Variants in MINK1 observed in about 807,000 individuals in gnomAD.
The protein encoded by MINK1 is misshapen-like kinase 1.
Under a neutral mutation model 178.4 loss-of-function variants are expected in MINK1, and 46 were observed. The observed-to-expected ratio is 0.26, with a 90% CI of 0.20 to 0.33. The LOEUF (loss-of-function observed/expected upper bound fraction) is 0.33, where lower values mean the gene tolerates loss of function less well. Among genes scored for constraint, MINK1 ranks in the 10% least tolerant of loss-of-function variants. The pLI is 1.00. For missense variants in MINK1, 1,366 were observed against 1,814.9 expected, an observed-to-expected ratio of 0.75 and a Z score of 4.49; for synonymous variants, 797 against 709.7, an observed-to-expected ratio of 1.12 and a Z score of -1.96.
intron 1 of MINK1, among the ~76,000 whole-genome samples, chr17:4,877,529 A>T (rs560288418): frequency 6.6e-6 from 1 of 152,304 alleles, no homozygotes; most frequent in East Asian, 1.9e-4. Context: ...TGGCCCTGAA[A>T]TTCCTGCTCC....
chr17:4,879,409 C>G (rs1342613943), intron 2 of MINK1, among the ~76,000 whole-genome samples: 5 of 152,244 alleles, frequency 3.3e-5, no homozygotes, highest in African/African-American at 1.2e-4. Context: ...TCCTGTGTCG[C>G]TGAGACCACC....
At chr17:4,878,430 C>T in intron 2 of MINK1, 48 bp downstream of exon 2, 1 of 1,495,582 alleles carries the variant, frequency 6.7e-7, no homozygotes. Context: ...GCAGGGCAGT[C>T]TTGGGAGGAG....
At position 4,892,659 on chromosome 17, in the gene MINK1, C is replaced by T. The variant is rs766154643; in HGVS notation, c.2202C>T (p.Asn734=). The part of the protein sequence containing the change: ...QPPGPPNASS[N]PDLRRSDPGW... ...CCTGACTCTGCCCCCCCAACAGTAACCCCGACCTCAGGAGGAGCGACCCTG... is the reference window on the plus strand; with the variant it reads ...CCTGACTCTGCCCCCCCAACAGTAATCCCGACCTCAGGAGGAGCGACCCTG... Residue 734 remains asparagine (N), a synonymous_variant, in exon 19 of 32, where the codon AAC becomes AAT. Transcript: ENST00000355280. The T allele has an allele frequency of 1.2e-6, 2 of 1,604,340 alleles. No homozygotes were observed. Among genetic ancestry groups the T allele is most frequent in the Non-Finnish European group, 1.7e-6 (2 of 1,175,082 alleles).
rs1170777148 is a variant in MINK1, at chr17:4,891,009, C to G, written c.1625C>G (p.Pro542Arg). ...QQNSPLAKSK[P>R]GSTGPEPPIP... ...AACTCTCCCTTGGCCAAGAGCAAGC[C>G]AGGCAGCACGGGGCCTGAGCCCCCC... The change falls in exon 15 of 32, where the codon CCA (proline) becomes CGA (arginine). Residue 542 changes from proline to arginine, a missense_variant. Pro to Arg is a moderately radical substitution (Grantham distance 103). Around this residue, in one of 14 missense-constraint regions of MINK1, gnomAD observed 709 missense variants for 692.3 expected, o/e 1.02. Transcript: ENST00000355280. 1.3e-6 allele frequency: 2 copies of G among 1,560,276 alleles called. No individual in the cohort carries two copies. Among genetic ancestry groups the G allele is most frequent in the South Asian group, 2.4e-5 (2 of 84,462 alleles).
intron 1 of MINK1, among the ~76,000 whole-genome samples, chr17:4,838,708 G>A (rs986894334): frequency 3.9e-5 from 6 of 152,150 alleles, no homozygotes; most frequent in South Asian, 2.1e-4. Context: ...TCCAGAAGCC[G>A]GTGAGAGTCT....
intron 1 of MINK1, among the ~76,000 whole-genome samples, chr17:4,848,694 G>T (rs1911446242): frequency 1.3e-5 from 2 of 151,322 alleles, no homozygotes; most frequent in Non-Finnish European, 2.9e-5. Context: ...ATGGGGTTTT[G>T]CCATGTTGGC....
chr17:4,847,472 C>T (rs1911223739), intron 1 of MINK1, among the ~76,000 whole-genome samples: 1 of 152,100 alleles, frequency 6.6e-6, no homozygotes, highest in Non-Finnish European at 1.5e-5. Context: ...GAGTGTTTCC[C>T]GAGGACTGTA....
rs1457961977 is a variant in MINK1 at position 4,894,705 on chromosome 17, T to G, written c.2917+72T>G. 1.7e-6 allele frequency: 2 copies of G among 1,186,902 alleles called. No individual in the cohort carries two copies. Among genetic ancestry groups the G allele is most frequent in the South Asian group, 2.6e-5 (2 of 76,462 alleles). 73.5% of individuals were successfully genotyped at this position (1,186,902 alleles called of 1,614,324 possible). ...AGCCTGGAGGGGAGCACAGTGGTCTTGAGACGCAGCCTCACAAAGCATAGC... is the reference window on the plus strand; with the variant it reads ...AGCCTGGAGGGGAGCACAGTGGTCTGGAGACGCAGCCTCACAAAGCATAGC... On this transcript the variant is annotated intron_variant, in intron 24 of 31. Transcript: ENST00000355280. The surrounding 1 kb of genome is among the most constrained non-coding windows in gnomAD (Gnocchi z 4.1).
At chr17:4,844,697 G>GTGA (rs1419237633) in intron 1 of MINK1, 1 of 357,074 alleles carries the variant, frequency 2.8e-6, no homozygotes, top group Non-Finnish European at 5.4e-6. Flanking sequence ...GTAGATCACT[G>GTGA]TGATGATGAA....
chr17:4,868,167 G>A lies in MINK1; in HGVS notation c.58-10150G>A, dbSNP rs564496863. ...AATTTTTGTATTTTTAGTAGAGATGGGGTTTCACCCAGTTGGCCAGGCTGG... is the reference window on the plus strand; with the variant it reads ...AATTTTTGTATTTTTAGTAGAGATGAGGTTTCACCCAGTTGGCCAGGCTGG... On this transcript the variant is annotated intron_variant, in intron 1 of 31. Transcript: ENST00000355280. Among the ~76,000 whole-genome samples, 5 of 152,046 alleles carry A rather than the reference G, an allele frequency of 3.3e-5. No homozygotes were observed. The South Asian group carries it at 6.2e-4, about 19-fold the overall frequency.
In MINK1 at chr17:4,886,045, T is replaced by A. The variant is rs555277904; in HGVS notation, c.695-75T>A. 6.2e-7 allele frequency: 1 copy of A among 1,607,506 alleles called. No homozygotes were observed. The highest frequency in any genetic ancestry group is 1.3e-5 in the African/African-American group (1 of 74,734). On this transcript the variant is annotated intron_variant, in intron 8 of 31. Transcript: ENST00000355280. The surrounding 1 kb of genome is among the most constrained non-coding windows in gnomAD (Gnocchi z 6.1). ...GTGGCTGTAGGGAGGAGGTGGGTCCTGGGACCCTGCCGAGGAAGGGTCCTG... is the reference window on the plus strand; with the variant it reads ...GTGGCTGTAGGGAGGAGGTGGGTCCAGGGACCCTGCCGAGGAAGGGTCCTG...
At position 4,887,275 on chromosome 17, in the gene MINK1, G is replaced by A; in HGVS notation, c.1019+96G>A. 1 of 1,303,756 alleles carries A rather than the reference G, an allele frequency of 7.7e-7. No homozygotes were observed. Among genetic ancestry groups the A allele is most frequent in the Non-Finnish European group, 1.1e-6 (1 of 926,636 alleles). 80.8% of individuals were successfully genotyped at this position (1,303,756 alleles called of 1,614,324 possible). On this transcript the variant is annotated intron_variant, in intron 11 of 31. Coordinates refer to ENST00000355280, the MANE Select transcript of MINK1 (RefSeq NM_153827.5). The surrounding 1 kb of genome is among the most constrained non-coding windows in gnomAD (Gnocchi z 7.6). ...TTTGGGGACTCTCAGCCTGGGGGTG[G>A]TGGGCACAGAGAGGTAGAGACTCCT...
intron 1 of MINK1, chr17:4,875,147 T>G (rs1426556562): frequency 1.9e-6 from 1 of 520,076 alleles, no homozygotes; most frequent in Non-Finnish European, 3.8e-6. Flanking sequence ...GGGAGCTCTG[T>G]AGGGAACTCT....
In MINK1 at chr17:4,865,202, G is replaced by A. The variant is rs533038829; in HGVS notation, c.58-13115G>A. The stretch of plus-strand genomic sequence containing the variant: ...TCCCAGCACTTTGGGAGGCCGAGGC[G>A]GGCAGATCACCTGAGGTCAGGAGTT... On this transcript the variant is annotated intron_variant, in intron 1 of 31. Coordinates refer to ENST00000355280, the MANE Select transcript of MINK1 (RefSeq NM_153827.5). Among the ~76,000 whole-genome samples, 22 of 152,150 alleles carry A rather than the reference G, an allele frequency of 1.4e-4. No homozygotes were observed. The East Asian group carries it at 2.3e-3, about 16-fold the overall frequency.
chr17:4,892,232 C>A lies in MINK1; in HGVS notation c.2085C>A (p.Ala695=). The A allele has an allele frequency of 6.3e-7, 1 of 1,577,758 alleles. No individual in the cohort carries two copies. Among genetic ancestry groups the A allele is most frequent in the African/African-American group, 1.3e-5 (1 of 74,104 alleles). ...CCCGGCCAGCCCAGGCAGTCCGTGC[C>A]AGGTAATGCCTGGGTAGGGCAACGC... is the stretch of plus-strand genomic sequence containing the variant. The part of the protein sequence containing the change: ...GGSRPAQAVR[A]RPRSNSAWQI... Residue 695 remains alanine (A), a splice_region_variant and synonymous_variant, in exon 17 of 32, where the codon GCC becomes GCA. Transcript: ENST00000355280.
intron 1 of MINK1, among the ~76,000 whole-genome samples, chr17:4,835,662 T>A (rs1158531010): frequency 6.6e-6 from 1 of 151,702 alleles, no homozygotes; most frequent in Non-Finnish European, 1.5e-5. Flanking sequence ...ACGGGGCGGG[T>A]CCAAACCACA....
chr17:4,858,473 A>G (rs1265316230), intron 1 of MINK1, among the ~76,000 whole-genome samples: 1 of 148,846 alleles, frequency 6.7e-6, no homozygotes, highest in Non-Finnish European at 1.5e-5. Context: ...TTTTAATTTA[A>G]ATTTAATTTT....
chr17:4,887,737 C>A lies in MINK1; in HGVS notation c.1177C>A (p.Gln393Lys). ...GGCACACATCAAACACCTGCTGCAC[C>A]AGCGGCAGCGGCGCATAGAGGAGCA... ...PEAHIKHLLHQRQRRIEEQKE... is the reference protein window; with the variant it reads ...PEAHIKHLLHKRQRRIEEQKE... The change falls in exon 12 of 32, where the codon CAG (glutamine) becomes AAG (lysine). Residue 393 changes from glutamine to lysine, a missense_variant. Gln to Lys is a moderately conservative substitution (Grantham distance 53). This residue lies in a region of MINK1 where 18 missense variants were observed against 40.7 expected (regional missense o/e 0.44). Transcript: ENST00000355280. This position sits in a 1 kb window ranked among gnomAD's most constrained non-coding sequence, Gnocchi z 7.6. The A allele has an allele frequency of 6.5e-7, 1 of 1,549,584 alleles. No individual in the cohort carries two copies. Among genetic ancestry groups the A allele is most frequent in the Non-Finnish European group, 8.7e-7 (1 of 1,147,252 alleles).
chr17:4,845,777 A>T (rs1256665005), intron 1 of MINK1, among the ~76,000 whole-genome samples: 1 of 152,062 alleles, frequency 6.6e-6, no homozygotes, highest in East Asian at 1.9e-4. Flanking sequence ...AATAGCTGGG[A>T]CTACAGGCAT....
Sources: gnomAD v4.1 joint callset for allele counts (sites outside exome capture counted in the v4.1 genomes callset) on GRCh38, gnomAD v4.1.1 for gene constraint, gnomAD v4.1.1 regional missense constraint, Gnocchi (gnomAD v3.1) non-coding constraint, MANE v1.5 for transcripts, NCBI Gene and HGNC (gene_info 2026-07-23, HGNC 2026-07-21) for gene names.